PAPOLG: variants seen among roughly 807,000 people sequenced by gnomAD.
The protein encoded by PAPOLG is PAP-gamma.
In PAPOLG, 40 loss-of-function variants were observed where a neutral mutation model predicts 99.0. The observed-to-expected ratio is 0.40, with a 90% confidence interval of 0.31 to 0.53. PAPOLG has a LOEUF of 0.53. PAPOLG is among the 20% of genes least tolerant of loss of function. The probability of loss-of-function intolerance (pLI) is 0.41; values close to 1 mark genes in which losing one functional copy is unlikely to be tolerated. For missense variants in PAPOLG, 675 were observed against 884.1 expected, an observed-to-expected ratio of 0.76 and a Z score of 3.00; for synonymous variants, 310 against 299.3, an observed-to-expected ratio of 1.04 and a Z score of -0.37.
intron 11 of PAPOLG, 166 bp from the exon 12 acceptor site, chr2:60,782,520 A>G: frequency 1.2e-6 from 1 of 859,554 alleles, no homozygotes; most frequent in Non-Finnish European, 1.4e-6. Context: ...TAGATCCACC[A>G]CACTCCAGCC....
At position 60,780,572 on chromosome 2, in the gene PAPOLG, G is replaced by C. The variant is rs1441041688; in HGVS notation, c.834-135G>C. 3.6e-6 allele frequency: 3 copies of C among 826,682 alleles called. No homozygotes were observed. The Admixed American group carries it at 8.3e-5, about 23-fold the overall frequency. 51.2% of individuals were successfully genotyped at this position (826,682 alleles called of 1,614,324 possible). A position where few individuals can be genotyped will look rare whatever the true frequency, so the allele number is the denominator to read the frequency against. Reference sequence around the variant, plus strand: ...ATTACAGGCATGAGCCACCATGCTCGGCCTTTTTTTCCTTTAATACCAAAT... The same window carrying C: ...ATTACAGGCATGAGCCACCATGCTCCGCCTTTTTTTCCTTTAATACCAAAT... On this transcript the variant is annotated intron_variant, in intron 9 of 21. Transcript: ENST00000238714.
intron 10 of PAPOLG, 102 bp from the exon 11 acceptor site, chr2:60,781,783 A>G: frequency 1.4e-6 from 2 of 1,453,076 alleles, no homozygotes; most frequent in South Asian, 1.3e-5. Context: ...GAGGAAATGT[A>G]GTATTAAATT....
At chr2:60,785,807 A>G (rs1671345126) in intron 13 of PAPOLG, among the ~76,000 whole-genome samples, 1 of 151,792 alleles carries the variant, frequency 6.6e-6, no homozygotes, top group South Asian at 2.1e-4. Flanking sequence ...GCTGGGATTA[A>G]CAAGCATGAG....
intron 15 of PAPOLG, among the ~76,000 whole-genome samples, chr2:60,788,684 C>G (rs1302724455): frequency 6.6e-6 from 1 of 152,092 alleles, no homozygotes; most frequent in East Asian, 1.9e-4. Flanking sequence ...GGTTTGTGAT[C>G]ACAGTCTTAA....
intron 7 of PAPOLG, among the ~76,000 whole-genome samples, chr2:60,772,851 A>AT (rs779713906): frequency 1.3e-5 from 2 of 151,714 alleles, no homozygotes; most frequent in Non-Finnish European, 2.9e-5. Context: ...GGCCAGTAAC[A>AT]TTTTTTTTCT....
intron 21 of PAPOLG, among the ~76,000 whole-genome samples, chr2:60,796,343 T>C (rs1225049838): frequency 6.6e-6 from 1 of 151,808 alleles, no homozygotes; most frequent in Non-Finnish European, 1.5e-5. Flanking sequence ...TTCACCATAT[T>C]GGCCAGGCTG....
intron 13 of PAPOLG, among the ~76,000 whole-genome samples, chr2:60,783,500 CTTTTTTTTT>C (rs761205449): frequency 4.8e-4 from 22 of 45,362 alleles, no homozygotes; most frequent in African/African-American, 7.9e-4. Flanking sequence ...TTTACCCGGC[CTTTTTTTTT>C]TTTTTTTTTT....
At chr2:60,773,992 C>T (rs1398460504) in intron 7 of PAPOLG, among the ~76,000 whole-genome samples, 1 of 152,152 alleles carries the variant, frequency 6.6e-6, no homozygotes. Flanking sequence ...ACAACTTACA[C>T]AGTTTCACAT....
intron 21 of PAPOLG, 77 bp from the exon 22 acceptor site, chr2:60,796,985 T>A: frequency 6.4e-7 from 1 of 1,573,734 alleles, no homozygotes; most frequent in Non-Finnish European, 8.6e-7. Flanking sequence ...CCAAGTTTTG[T>A]GACTGACTTT....
intron 10 of PAPOLG, among the ~76,000 whole-genome samples, chr2:60,781,558 G>T (rs1464906963): frequency 2.0e-5 from 3 of 152,086 alleles, no homozygotes; most frequent in Non-Finnish European, 2.9e-5. Context: ...TGGTGAAAAA[G>T]GATTGAGAAC....
chr2:60,763,125 A>T lies in PAPOLG; in HGVS notation c.246+1318A>T, dbSNP rs966454405. Among the ~76,000 whole-genome samples the T allele has an allele frequency of 8.6e-5, 13 of 151,560 alleles. No homozygotes were observed. In the South Asian group the frequency reaches 2.5e-3, roughly 29 times the overall value. On this transcript the variant is annotated intron_variant, in intron 3 of 21. Transcript: ENST00000238714. ...GATCTCCCTCTGTCACCCAGGCTGC[A>T]GTACAGTGGCACAGTTACATAGCTC...
At chr2:60,796,976 C>A (rs2103833415) in intron 21 of PAPOLG, 86 bp from the exon 22 acceptor site, 2 of 1,551,244 alleles carry the variant, frequency 1.3e-6, no homozygotes, top group South Asian at 1.2e-5. Context: ...AAAAACTCCC[C>A]AAGTTTTGTG....
chr2:60,768,679 T>G (rs1670758541), intron 4 of PAPOLG, 102 bp from the exon 5 acceptor site: 1 of 1,340,542 alleles, frequency 7.5e-7, no homozygotes, highest in Non-Finnish European at 1.0e-6. Context: ...CATTTTCTTG[T>G]ACTCAACTTC....
chr2:60,785,063 A>C (rs1252155983), intron 13 of PAPOLG, among the ~76,000 whole-genome samples: 1 of 152,240 alleles, frequency 6.6e-6, no homozygotes, highest in Non-Finnish European at 1.5e-5. Context: ...GTGAGATAGA[A>C]ATAAAATTGC....
At chr2:60,784,386 G>A (rs1415345909) in intron 13 of PAPOLG, among the ~76,000 whole-genome samples, 1 of 152,184 alleles carries the variant, frequency 6.6e-6, no homozygotes, top group Non-Finnish European at 1.5e-5. Flanking sequence ...TTAAGCTTCC[G>A]TCAACAGGTA....
chr2:60,784,543 T>A (rs1671299465), intron 13 of PAPOLG, among the ~76,000 whole-genome samples: 1 of 152,194 alleles, frequency 6.6e-6, no homozygotes, highest in Non-Finnish European at 1.5e-5. Flanking sequence ...GGGTCTGACT[T>A]CTGGAAAAGC....
At chr2:60,771,072 C>T (rs1453113470) in intron 6 of PAPOLG, among the ~76,000 whole-genome samples, 1 of 152,020 alleles carries the variant, frequency 6.6e-6, no homozygotes, top group Non-Finnish European at 1.5e-5. Context: ...ACCACTTGTC[C>T]ATCTGCTTTC....
intron 7 of PAPOLG, among the ~76,000 whole-genome samples, chr2:60,772,522 G>A (rs1033753183): frequency 6.6e-6 from 1 of 151,822 alleles, no homozygotes; most frequent in South Asian, 2.1e-4. Context: ...GCCAAGGCAG[G>A]CAGATCACCT....
intron 7 of PAPOLG, among the ~76,000 whole-genome samples, chr2:60,772,848 A>T (rs1299661053): frequency 6.6e-6 from 1 of 152,088 alleles, no homozygotes; most frequent in African/African-American, 2.4e-5. Context: ...CTTGGCCAGT[A>T]ACATTTTTTT....
Sources: gnomAD v4.1 joint callset for allele counts (sites outside exome capture counted in the v4.1 genomes callset) on GRCh38, gnomAD v4.1.1 for gene constraint, MANE v1.5 for transcripts, NCBI Gene and HGNC (gene_info 2026-07-23, HGNC 2026-07-21) for gene names.